SMARCC1: variants seen among roughly 807,000 people sequenced by gnomAD.
The protein encoded by SMARCC1 is SWI/SNF complex subunit SMARCC1.
A neutral mutation model predicts 147.4 loss-of-function variants in SMARCC1; 43 were observed. The ratio of observed to expected loss-of-function variants is 0.29; its 90% CI spans 0.23 to 0.38. The LOEUF (loss-of-function observed/expected upper bound fraction) is 0.38, where lower values mean the gene tolerates loss of function less well. SMARCC1 is among the 10% of genes least tolerant of loss of function. SMARCC1 has a pLI of 1.00. For synonymous variants in SMARCC1, 495 were observed against 484.4 expected, an observed-to-expected ratio of 1.02 and a Z score of -0.29; for missense variants, 1,119 against 1,381.1, an observed-to-expected ratio of 0.81 and a Z score of 3.01.
intron 19 of SMARCC1, among the ~76,000 whole-genome samples, chr3:47,668,233 A>G (rs1314709391): frequency 6.6e-6 from 1 of 152,024 alleles, no homozygotes; most frequent in Non-Finnish European, 1.5e-5. Context: ...TTTTACCTCA[A>G]ACTTTAGACT....
intron 3 of SMARCC1, among the ~76,000 whole-genome samples, chr3:47,740,178 CTTTTTTTTT>C (rs34523367): frequency 1.5e-3 from 52 of 35,718 alleles, no homozygotes; most frequent in Middle Eastern, 0.077. Flanking sequence ...GCCCGGCCAT[CTTTTTTTTT>C]TTTTTTTTTT....
At chr3:47,641,474 T>C (rs919775426) in intron 21 of SMARCC1, among the ~76,000 whole-genome samples, 13 of 151,984 alleles carry the variant, frequency 8.6e-5, no homozygotes, top group Non-Finnish European at 1.6e-4. Context: ...GACAGAGTGA[T>C]ACCCTGTTTC....
chr3:47,706,160 A>T (rs1158857430), intron 10 of SMARCC1, among the ~76,000 whole-genome samples: 34 of 152,118 alleles, frequency 2.2e-4, no homozygotes, highest in Non-Finnish European at 1.9e-4. Context: ...ACAAAAAAAA[A>T]AAAAAATTCC....
chr3:47,625,681 T>C (rs2032799745), intron 24 of SMARCC1, among the ~76,000 whole-genome samples: 1 of 152,188 alleles, frequency 6.6e-6, no homozygotes, highest in Non-Finnish European at 1.5e-5. Context: ...AAAATTAACT[T>C]AGTGGATCAT....
intron 3 of SMARCC1, 46 bp from the exon 4 acceptor site, chr3:47,738,156 C>A (rs2034467127): frequency 7.6e-7 from 1 of 1,322,078 alleles, no homozygotes. Context: ...CCAGCTTAAA[C>A]ACAAATGAAA....
chr3:47,651,082 A>T (rs2033183766), intron 21 of SMARCC1, among the ~76,000 whole-genome samples: 4 of 152,164 alleles, frequency 2.6e-5, no homozygotes, highest in African/African-American at 9.7e-5. Context: ...AGGCAGGCAG[A>T]TTGCTGGAGT....
intron 6 of SMARCC1, among the ~76,000 whole-genome samples, chr3:47,726,061 C>CAAAAACAAAAAAAA (rs2034296162): frequency 2.0e-5 from 1 of 50,782 alleles, no homozygotes; most frequent in Non-Finnish European, 3.5e-5. Context: ...GACTCTGTCT[C>CAAAAACAAAAAAAA]AAAAAAAAAA....
Position 47,738,126 on chromosome 3 carries a change from A to C in SMARCC1, c.402-16T>G, listed in dbSNP as rs146429491. On this transcript the variant is annotated splice_polypyrimidine_tract_variant and intron_variant, in intron 3 of 27. Transcript: ENST00000254480. Reference sequence around the variant, plus strand: ...AAACCTCCGCCTAAAAAAAAAGAAAAACCCTAGTTAATTTGTCTCCCAGCT... The same window carrying C: ...AAACCTCCGCCTAAAAAAAAAGAAACACCCTAGTTAATTTGTCTCCCAGCT... 96 of 1,535,586 alleles carry C rather than the reference A, an allele frequency of 6.3e-5. No homozygotes were observed. The highest frequency in any genetic ancestry group is 8.3e-5 in the Non-Finnish European group (95 of 1,138,772).
intron 1 of SMARCC1, among the ~76,000 whole-genome samples, chr3:47,778,733 T>C (rs1252422369): frequency 6.6e-6 from 1 of 152,076 alleles, no homozygotes; most frequent in Non-Finnish European, 1.5e-5. Flanking sequence ...TGGCTCACAC[T>C]TGTAAGCCCT....
chr3:47,756,642 T>A (rs973106081), intron 2 of SMARCC1, among the ~76,000 whole-genome samples: 5 of 151,414 alleles, frequency 3.3e-5, no homozygotes, highest in Admixed American at 6.6e-5. Context: ...TGGCAAATAA[T>A]GGTCCACGGG....
At chr3:47,662,228 G>C in intron 20 of SMARCC1, 106 bp downstream of exon 20, 5 of 983,122 alleles carry the variant, frequency 5.1e-6, no homozygotes, top group Non-Finnish European at 7.6e-6. Flanking sequence ...GGTAATATCT[G>C]ATTTTTGTTA....
At chr3:47,671,645 T>C (rs2033504019) in intron 18 of SMARCC1, among the ~76,000 whole-genome samples, 1 of 152,230 alleles carries the variant, frequency 6.6e-6, no homozygotes, top group Admixed American at 6.5e-5. Context: ...ATTTAATTGA[T>C]TAATTCATAC....
intron 21 of SMARCC1, among the ~76,000 whole-genome samples, chr3:47,653,083 G>A (rs538715276): frequency 9.3e-5 from 14 of 150,568 alleles, no homozygotes; most frequent in East Asian, 4.0e-4. Flanking sequence ...TCAGCCTCCC[G>A]AGTAGCTGGG....
At chr3:47,636,202 ATTATC>A in intron 22 of SMARCC1, 66 bp from the exon 23 acceptor site, 1 of 805,242 alleles carries the variant, frequency 1.2e-6, no homozygotes, top group Non-Finnish European at 2.1e-6. Context: ...TTTATGAGTA[ATTATC>A]TTAGACTAGC....
intron 21 of SMARCC1, among the ~76,000 whole-genome samples, chr3:47,649,875 A>C (rs2033164498): frequency 6.6e-6 from 1 of 152,246 alleles, no homozygotes; most frequent in Admixed American, 6.5e-5. Context: ...AAAAGGGACT[A>C]AAATTCATTG....
chr3:47,649,345 ACAGT>A (rs2033157996), intron 21 of SMARCC1, among the ~76,000 whole-genome samples: 1 of 152,372 alleles, frequency 6.6e-6, no homozygotes, highest in Admixed American at 6.5e-5. Context: ...GAGAATTCTA[ACAGT>A]CATTTCTGGG....
chr3:47,664,907 A>C (rs2033403110), intron 19 of SMARCC1, among the ~76,000 whole-genome samples: 1 of 152,192 alleles, frequency 6.6e-6, no homozygotes, highest in Admixed American at 6.5e-5. Flanking sequence ...ATTAGAGCCT[A>C]ATTTGCTGCT....
intron 24 of SMARCC1, among the ~76,000 whole-genome samples, chr3:47,625,662 C>T (rs1328587691): frequency 2.6e-5 from 4 of 152,078 alleles, no homozygotes; most frequent in Non-Finnish European, 5.9e-5. Flanking sequence ...CTATCTCATA[C>T]CACCCAGAAA....
intron 18 of SMARCC1, among the ~76,000 whole-genome samples, chr3:47,671,439 A>C (rs2033501376): frequency 6.6e-6 from 1 of 152,138 alleles, no homozygotes; most frequent in Admixed American, 6.6e-5. Flanking sequence ...TACACACGTA[A>C]AACACTGACA....
Sources: gnomAD v4.1 joint callset for allele counts (sites outside exome capture counted in the v4.1 genomes callset) on GRCh38, gnomAD v4.1.1 for gene constraint, MANE v1.5 for transcripts, NCBI Gene and HGNC (gene_info 2026-07-23, HGNC 2026-07-21) for gene names.